The following FER variants were observed in gnomAD, a reference collection of about 807,000 sequenced individuals.
The protein encoded by FER is tyrosine-protein kinase Fer.
In FER, 63 loss-of-function variants were observed where a neutral mutation model predicts 111.0. That is an observed-to-expected ratio of 0.57 (90% CI 0.46 to 0.70). The LOEUF is 0.70. Ranked by LOEUF, FER falls within the 30% of genes least tolerant of loss-of-function variation. The probability of loss-of-function intolerance (pLI) is 0.00; values close to 1 mark genes in which losing one functional copy is unlikely to be tolerated. For missense variants in FER, 914 were observed against 954.0 expected, an observed-to-expected ratio of 0.96 and a Z score of 0.55; for synonymous variants, 327 against 313.9, an observed-to-expected ratio of 1.04 and a Z score of -0.44.
chr5:108,825,245 C>CTA (rs1199443938), intron 3 of FER, among the ~76,000 whole-genome samples: 2 of 152,120 alleles, frequency 1.3e-5, no homozygotes, highest in Non-Finnish European at 1.5e-5. Context: ...CCTGGGAGCG[C>CTA]TATGGGAGAC....
intron 3 of FER, among the ~76,000 whole-genome samples, chr5:108,831,292 A>T (rs961147786): frequency 1.3e-5 from 2 of 152,154 alleles, no homozygotes; most frequent in Non-Finnish European, 2.9e-5. Context: ...CATTCTACAC[A>T]TGCCATAGAA....
intron 1 of FER, among the ~76,000 whole-genome samples, chr5:108,760,243 A>C (rs1328272766): frequency 3.3e-5 from 5 of 151,032 alleles, no homozygotes; most frequent in African/African-American, 7.3e-5. Flanking sequence ...ATGTGCTGTC[A>C]TACAGCCTTT....
chr5:108,908,719 T>TG (rs1315235984), intron 10 of FER, among the ~76,000 whole-genome samples: 2 of 129,210 alleles, frequency 1.5e-5, no homozygotes, highest in Non-Finnish European at 1.6e-5. Context: ...AGACTCCGTC[T>TG]CAAAAAAAAA....
chr5:109,122,021 T>TA (rs934011785), intron 17 of FER, among the ~76,000 whole-genome samples: 15 of 151,940 alleles, frequency 9.9e-5, no homozygotes, highest in African/African-American at 2.4e-4. Flanking sequence ...TTTTATCTTT[T>TA]AAAAAAAACA....
chr5:109,001,013 T>C (rs1171270343), intron 13 of FER, among the ~76,000 whole-genome samples: 1 of 152,064 alleles, frequency 6.6e-6, no homozygotes, highest in Non-Finnish European at 1.5e-5. Context: ...CAATAATCAA[T>C]AGCTTACCAA....
At chr5:108,885,792 G>A (rs887424588) in intron 9 of FER, among the ~76,000 whole-genome samples, 1 of 151,766 alleles carries the variant, frequency 6.6e-6, no homozygotes, top group Non-Finnish European at 1.5e-5. Flanking sequence ...ACATTAAATG[G>A]GAATCGATGA....
rs530517924 is a variant in FER, at chr5:108,928,973, A to G, written c.1237-17157A>G. Among the ~76,000 whole-genome samples the G allele has an allele frequency of 4.6e-5, 7 of 152,216 alleles. No homozygotes were observed. The East Asian group carries it at 1.4e-3, about 29-fold the overall frequency. ...ATTATATTTTTCTATGGATTTAAAA[A>G]TGTTTTGTATACTTTATTTTGATGA... is the stretch of plus-strand genomic sequence containing the variant. On this transcript the variant is annotated intron_variant, in intron 10 of 19. Transcript: ENST00000281092.
chr5:109,003,408 T>C (rs897093993), intron 13 of FER, among the ~76,000 whole-genome samples: 5 of 152,134 alleles, frequency 3.3e-5, no homozygotes, highest in African/African-American at 1.2e-4. Context: ...TAGGTGGGAA[T>C]TGAACAATGA....
Position 108,811,816 on chromosome 5 carries a change from G to A in FER, c.207+13427G>A, listed in dbSNP as rs570856842. On this transcript the variant is annotated intron_variant, in intron 3 of 19. Coordinates refer to ENST00000281092, the MANE Select transcript of FER (RefSeq NM_005246.4). ...CCTAGAGTTCTGATGCTCGAGGGCA[G>A]GAGGAGATGAATATCTGTTCTAGAA... Among the ~76,000 whole-genome samples the A allele has an allele frequency of 2.0e-5, 3 of 152,288 alleles. No individual in the cohort carries two copies. In the East Asian group the frequency reaches 5.8e-4, roughly 29 times the overall value.
chr5:108,862,483 G>A (rs577827952), intron 5 of FER, among the ~76,000 whole-genome samples: 1 of 152,288 alleles, frequency 6.6e-6, no homozygotes, highest in South Asian at 2.1e-4. Flanking sequence ...AAAATGTGTA[G>A]AGAGATTGTC....
chr5:108,915,102 G>T (rs927833622), intron 10 of FER, among the ~76,000 whole-genome samples: 2 of 152,192 alleles, frequency 1.3e-5, no homozygotes, highest in Admixed American at 1.3e-4. Context: ...ATGGAATCCA[G>T]TTGGTAAGAA....
chr5:109,015,178 C>T (rs1013915346), intron 13 of FER, among the ~76,000 whole-genome samples: 10 of 151,910 alleles, frequency 6.6e-5, no homozygotes, highest in African/African-American at 1.9e-4. Flanking sequence ...AGTAATATGG[C>T]TTTTTTATTA....
intron 17 of FER, among the ~76,000 whole-genome samples, chr5:109,104,504 A>T (rs1202605572): frequency 6.6e-6 from 1 of 152,176 alleles, no homozygotes; most frequent in African/African-American, 2.4e-5. Flanking sequence ...TTTGCAGAGG[A>T]TACCCTCTGA....
At position 109,187,656 on chromosome 5, in the gene FER, T is replaced by C; in HGVS notation, c.*81T>C. 2 of 1,474,360 alleles carry C rather than the reference T, an allele frequency of 1.4e-6. No homozygotes were observed. Among genetic ancestry groups the C allele is most frequent in the South Asian group, 1.2e-5 (1 of 83,664 alleles). 91.3% of individuals were successfully genotyped at this position (1,474,360 alleles called of 1,614,324 possible). A position where few individuals can be genotyped will look rare whatever the true frequency, so the allele number is the denominator to read the frequency against. ...TTATTGTTCTCATTAACAATGAATTTATACCACATTACCTTCGACAGTCTT... is the reference window on the plus strand; with the variant it reads ...TTATTGTTCTCATTAACAATGAATTCATACCACATTACCTTCGACAGTCTT... On this transcript the variant is annotated 3_prime_UTR_variant, in exon 20 of 20. Coordinates refer to ENST00000281092, the MANE Select transcript of FER (RefSeq NM_005246.4).
chr5:109,146,253 AATATATATATATATATATATATAT>A (rs6149172), intron 17 of FER, among the ~76,000 whole-genome samples: 2,098 of 42,142 alleles, frequency 0.05, 211 homozygotes, highest in African/African-American at 0.18. Flanking sequence ...TAATCTATCT[AATATATATATATATATATATATAT>A]ATATATATAT....
chr5:109,149,498 G>T (rs1754587159), intron 17 of FER, among the ~76,000 whole-genome samples: 1 of 152,104 alleles, frequency 6.6e-6, no homozygotes, highest in South Asian at 2.1e-4. Flanking sequence ...ACAAAGAACT[G>T]CTTGGAGAGT....
chr5:108,769,945 T>A (rs1313357722), intron 2 of FER, among the ~76,000 whole-genome samples: 3 of 152,112 alleles, frequency 2.0e-5, no homozygotes, highest in African/African-American at 4.8e-5. Flanking sequence ...ATGATGATGA[T>A]GATGATGATG....
At chr5:108,916,680 A>G (rs1347673289) in intron 10 of FER, among the ~76,000 whole-genome samples, 1 of 152,140 alleles carries the variant, frequency 6.6e-6, no homozygotes, top group Non-Finnish European at 1.5e-5. Flanking sequence ...AAATATTCAT[A>G]GTCTTTGCTA....
In FER at chr5:108,915,910, C is replaced by T. The variant is rs944386999; in HGVS notation, c.1236+18062C>T. 2.0e-5 allele frequency among the ~76,000 whole-genome samples: 3 copies of T among 152,136 alleles called. No individual in the cohort carries two copies. In the East Asian group the frequency reaches 5.8e-4, roughly 29 times the overall value. ...AGAAGAGGGTCTGAGGTAAGAAAAG[C>T]TTTTCATTCCCTCTTCTTTCACTTT... On this transcript the variant is annotated intron_variant, in intron 10 of 19. Coordinates refer to ENST00000281092, the MANE Select transcript of FER (RefSeq NM_005246.4).
Sources: allele counts gnomAD v4.1 joint callset (sites outside exome capture counted in the v4.1 genomes callset), GRCh38; gene constraint gnomAD v4.1.1; transcripts MANE v1.5; gene names NCBI Gene and HGNC (gene_info 2026-07-23, HGNC 2026-07-21).